The following GOLM1 variants were observed in gnomAD, a reference collection of about 807,000 sequenced individuals.
The protein encoded by GOLM1 is golgi membrane protein 1.
Under a neutral mutation model 50.5 loss-of-function variants are expected in GOLM1, and 31 were observed. The ratio of observed to expected loss-of-function variants is 0.61; its 90% CI spans 0.46 to 0.83. The LOEUF (loss-of-function observed/expected upper bound fraction) is 0.83. GOLM1 is among the 40% of genes least tolerant of loss of function. GOLM1 has a pLI of 0.00. For synonymous variants in GOLM1, 178 were observed against 192.8 expected, an observed-to-expected ratio of 0.92 and a Z score of 0.64; for missense variants, 491 against 501.3, an observed-to-expected ratio of 0.98 and a Z score of 0.20.
chr9:86,029,472 C>G (rs901910628), intron 9 of GOLM1, among the ~76,000 whole-genome samples: 4 of 152,020 alleles, frequency 2.6e-5, no homozygotes, highest in African/African-American at 9.7e-5. Context: ...CTTCTACCAT[C>G]TGATCTTACT....
At chr9:86,037,653 C>T (rs1833190659) in intron 6 of GOLM1, among the ~76,000 whole-genome samples, 2 of 152,104 alleles carry the variant, frequency 1.3e-5, no homozygotes, top group Admixed American at 1.3e-4. Flanking sequence ...GAAAAGTTAT[C>T]AGCTCTTCTT....
chr9:86,068,081 A>G (rs1352687451), intron 3 of GOLM1, among the ~76,000 whole-genome samples: 1 of 152,196 alleles, frequency 6.6e-6, no homozygotes, highest in Non-Finnish European at 1.5e-5. Context: ...AATTAAAATG[A>G]GGTCGCTAGG....
Position 86,027,025 on chromosome 9 carries a change from G to C in GOLM1, c.*792C>G. On this transcript the variant is annotated 3_prime_UTR_variant, in exon 10 of 10. Transcript: ENST00000388712. ...TCTGCTCCAGGTCAGCCCCCTTTTG[G>C]CCTGTTTGTTTTGTCAAAAACCTAA... The C allele has an allele frequency of 1.0e-6, 1 of 985,180 alleles. No homozygotes were observed. The highest frequency in any genetic ancestry group is 1.2e-6 in the Non-Finnish European group (1 of 829,902). The allele number at this position is 985,180 out of a possible 1,614,324, so 61.0% of individuals were successfully genotyped here.
chr9:86,044,037 A>G (rs964091537), intron 5 of GOLM1, among the ~76,000 whole-genome samples: 8 of 152,330 alleles, frequency 5.3e-5, no homozygotes, highest in Middle Eastern at 3.4e-3. Context: ...AGGTTTCTCA[A>G]CCTTAGCACT....
At chr9:86,074,878 C>G (rs1047055152) in intron 3 of GOLM1, among the ~76,000 whole-genome samples, 3 of 152,064 alleles carry the variant, frequency 2.0e-5, no homozygotes, top group Non-Finnish European at 2.9e-5. Context: ...CTTTTTAAAG[C>G]TAGCACAATT....
chr9:86,035,680 A>AG, intron 7 of GOLM1, 55 bp from the exon 8 acceptor site: 3 of 1,465,818 alleles, frequency 2.0e-6, no homozygotes, highest in Non-Finnish European at 2.7e-6. Context: ...TTAAAAAAAA[A>AG]AAAAAAAAAA....
chr9:86,061,094 G>A lies in GOLM1; in HGVS notation c.310-8503C>T, dbSNP rs571482378. Among the ~76,000 whole-genome samples, 63 of 151,998 alleles carry A rather than the reference G, an allele frequency of 4.1e-4. No homozygotes were observed. In the South Asian group the frequency reaches 0.011, roughly 26 times the overall value. ...GGTTAAAACGGCACGAGTTGTAATC[G>A]CTGAAGCTTGGCACTGGATGTGTGG... On this transcript the variant is annotated intron_variant, in intron 3 of 9. Coordinates refer to ENST00000388712, the MANE Select transcript of GOLM1 (RefSeq NM_016548.4).
chr9:86,079,448 T>C, intron 1 of GOLM1, 107 bp from the exon 2 acceptor site: 1 of 870,310 alleles, frequency 1.1e-6, no homozygotes, highest in South Asian at 2.0e-5. Context: ...CCAAGAAGCG[T>C]GGGCTGGTAG....
intron 1 of GOLM1, among the ~76,000 whole-genome samples, chr9:86,093,310 G>T (rs974130992): frequency 1.3e-5 from 2 of 150,474 alleles, no homozygotes; most frequent in African/African-American, 4.9e-5. Context: ...TTGGGAGGCA[G>T]AGGTTGCTGT....
intron 3 of GOLM1, among the ~76,000 whole-genome samples, chr9:86,057,997 G>T (rs1834041229): frequency 6.6e-6 from 1 of 152,238 alleles, no homozygotes; most frequent in Non-Finnish European, 1.5e-5. Flanking sequence ...GCAATCAGAT[G>T]CCTGGAAAAC....
Position 86,035,434 on chromosome 9 carries a change from C to T in GOLM1, c.949G>A (p.Gly317Ser). 1 of 1,613,934 alleles carries T rather than the reference C, an allele frequency of 6.2e-7. No homozygotes were observed. The highest frequency in any genetic ancestry group is 8.5e-7 in the Non-Finnish European group (1 of 1,179,996). Reference sequence around the variant, plus strand: ...ATGACAAGCTGGTCTCGCTCAGGGCCCTCCATCTCTGGATTTTCCTGGCTC... The same window carrying T: ...ATGACAAGCTGGTCTCGCTCAGGGCTCTCCATCTCTGGATTTTCCTGGCTC... ...SVSQENPEME[G>S]PERDQLVIPD... Residue 317 changes from glycine to serine, a missense_variant, in exon 8 of 10, where the codon GGC becomes AGC. Physicochemically the swap from Gly to Ser is moderately conservative, Grantham distance 56 (BLOSUM62 0). Transcript: ENST00000388712.
intron 1 of GOLM1, among the ~76,000 whole-genome samples, chr9:86,097,146 A>G (rs1180117588): frequency 6.6e-6 from 1 of 151,664 alleles, no homozygotes; most frequent in South Asian, 2.1e-4. Context: ...TTTAAGAAAC[A>G]CTTCATAAAT....
chr9:86,048,720 T>C (rs1396046952), intron 4 of GOLM1, among the ~76,000 whole-genome samples: 3 of 152,062 alleles, frequency 2.0e-5, no homozygotes, highest in Non-Finnish European at 4.4e-5. Flanking sequence ...TTTGATGGGG[T>C]TGTTTGATTT....
At chr9:86,042,014 G>A (rs938772619) in intron 5 of GOLM1, among the ~76,000 whole-genome samples, 21 of 152,200 alleles carry the variant, frequency 1.4e-4, no homozygotes, top group African/African-American at 5.1e-4. Flanking sequence ...CTACTCGGGA[G>A]GCTGAGGCAG....
At position 86,079,264 on chromosome 9, in the gene GOLM1, G is replaced by T. The variant is rs3750389; in HGVS notation, c.57C>A (p.Ala19=). 0.13 allele frequency: 208,689 copies of T among 1,609,580 alleles called. 20,979 individuals are homozygous for T. The highest frequency in any genetic ancestry group is 0.53 in the East Asian group (23,538 of 44,718). ...AGACGATGATGCAGGCCACCAGGGC[G>T]GCCAGCACGAGGGGCGGCGACTTCA... ...RSMKSPPLVL[A]ALVACIIVLG... The change falls in exon 2 of 10, where the codon GCC becomes GCA. Residue 19 remains alanine, a synonymous_variant. Transcript: ENST00000388712.
intron 9 of GOLM1, among the ~76,000 whole-genome samples, chr9:86,031,999 A>AC (rs1833002822): frequency 6.7e-6 from 1 of 148,188 alleles, no homozygotes; most frequent in Non-Finnish European, 1.5e-5. Context: ...AGAACACACC[A>AC]CCACTCACCT....
intron 3 of GOLM1, among the ~76,000 whole-genome samples, chr9:86,056,529 C>T (rs1365208235): frequency 3.0e-5 from 4 of 135,068 alleles, no homozygotes; most frequent in South Asian, 2.2e-4. Flanking sequence ...TTTTTTGAGA[C>T]GAAGTCTCGC....
chr9:86,080,579 C>T lies in GOLM1; in HGVS notation c.-21-1238G>A, dbSNP rs866584521. ...CCAGTGAGAACATGGGAGAACTGAT[C>T]CTCACCCTATGGTCTTTTCAGGTGG... On this transcript the variant is annotated intron_variant, in intron 1 of 9. Transcript: ENST00000388712. 5.3e-5 allele frequency among the ~76,000 whole-genome samples: 8 copies of T among 152,250 alleles called. No homozygotes were observed. In the Middle Eastern group the frequency reaches 0.014, roughly 259 times the overall value.
In GOLM1 at chr9:86,027,544, A is replaced by C; in HGVS notation, c.*273T>G. On this transcript the variant is annotated 3_prime_UTR_variant, in exon 10 of 10. Coordinates refer to ENST00000388712, the MANE Select transcript of GOLM1 (RefSeq NM_016548.4). ...CGCTGTCGCCAACACTTGAAGGAGA[A>C]CTATGTTCCAGTTTTGGTGTTGAAC... 1 of 1,239,084 alleles carries C rather than the reference A, an allele frequency of 8.1e-7. No homozygotes were observed. Among genetic ancestry groups the C allele is most frequent in the Non-Finnish European group, 1.0e-6 (1 of 989,256 alleles). The allele number at this position is 1,239,084 out of a possible 1,614,324, so 76.8% of individuals were successfully genotyped here. A position where few individuals can be genotyped will look rare whatever the true frequency, so the allele number is the denominator to read the frequency against.
Sources: gnomAD v4.1 joint callset for allele counts (sites outside exome capture counted in the v4.1 genomes callset) on GRCh38, gnomAD v4.1.1 for gene constraint, MANE v1.5 for transcripts, NCBI Gene and HGNC (gene_info 2026-07-23, HGNC 2026-07-21) for gene names.